LRRC8E: variants seen among roughly 807,000 people sequenced by gnomAD.
The protein encoded by LRRC8E is leucine rich repeat containing 8 VRAC subunit E.
In LRRC8E, 6 loss-of-function variants were observed where a neutral mutation model predicts 6.1. The observed-to-expected ratio is 0.98, with a 90% CI of 0.54 to 1.93. LRRC8E has a LOEUF of 1.93. Ranked by LOEUF, LRRC8E falls within the 30% of genes most tolerant of loss-of-function variation. The pLI is 0.01. For missense variants in LRRC8E, 1,028 were observed against 1,031.4 expected, an observed-to-expected ratio of 1.00 and a Z score of 0.04; for synonymous variants, 485 against 472.8, an observed-to-expected ratio of 1.03 and a Z score of -0.33.
At chr19:7,891,551 G>T (rs1441508506) in intron 1 of LRRC8E, among the ~76,000 whole-genome samples, 8 of 145,410 alleles carry the variant, frequency 5.5e-5, no homozygotes, top group African/African-American at 2.0e-4. Context: ...GTGTGTTTGT[G>T]TGTGTGTGTG....
chr19:7,898,244 G>A (rs918299132), intron 2 of LRRC8E, among the ~76,000 whole-genome samples: 10 of 151,206 alleles, frequency 6.6e-5, no homozygotes, highest in African/African-American at 9.8e-5. Context: ...GTGCTTAGAG[G>A]TTTAGCAAAA....
At position 7,900,703 on chromosome 19, in the gene LRRC8E, G is replaced by A. The variant is rs749304586; in HGVS notation, c.2181G>A (p.Leu727=). 1.2e-6 allele frequency: 2 copies of A among 1,613,410 alleles called. No homozygotes were observed. Among genetic ancestry groups the A allele is most frequent in the Non-Finnish European group, 1.7e-6 (2 of 1,180,010 alleles). Residue 727 remains leucine, a synonymous_variant, in exon 3 of 3, where the codon TTG becomes TTA. Transcript: ENST00000306708. The surrounding 1 kb of genome is among the most constrained non-coding windows in gnomAD (Gnocchi z 5.0). ...TCTTCTGCCGCAAGCTGCGGACGTT[G>A]CTTCTGGGCGACAACCAGCTGAGCC... ...ELFFCRKLRT[L]LLGDNQLSQL...
chr19:7,901,006 C>A lies in LRRC8E; in HGVS notation c.*93C>A. On this transcript the variant is annotated 3_prime_UTR_variant, in exon 3 of 3. Coordinates refer to ENST00000306708, the MANE Select transcript of LRRC8E (RefSeq NM_025061.6). ...TTCCAAGATAGGAAGCCAAGTGGGT[C>A]CAGGCCAGGAGATGGGGGGGGCGGG... 1 of 931,874 alleles carries A rather than the reference C, an allele frequency of 1.1e-6. No homozygotes were observed. The highest frequency in any genetic ancestry group is 1.5e-6 in the Non-Finnish European group (1 of 666,216). The allele number at this position is 931,874 out of a possible 1,614,324, so 57.7% of individuals were successfully genotyped here.
chr19:7,891,527 G>GTGTGTGTT (rs1981309296), intron 1 of LRRC8E, among the ~76,000 whole-genome samples: 1 of 144,222 alleles, frequency 6.9e-6, no homozygotes, highest in East Asian at 2.0e-4. Context: ...CTGCTCGGGT[G>GTGTGTGTT]TGTGTGTGTG....
chr19:7,895,825 A>G lies in LRRC8E; in HGVS notation c.138+84A>G, dbSNP rs1981558782. On this transcript the variant is annotated intron_variant, in intron 2 of 2. Coordinates refer to ENST00000306708, the MANE Select transcript of LRRC8E (RefSeq NM_025061.6). The surrounding 1 kb of genome is among the most constrained non-coding windows in gnomAD (Gnocchi z 4.7). The stretch of plus-strand genomic sequence containing the variant: ...AGTCGGGAAGCCTTCTCATCACCCA[A>G]GAAAGAGAGGAAACTGAAGACAGAG... 6.5e-7 allele frequency: 1 copy of G among 1,542,070 alleles called. No individual in the cohort carries two copies. Among genetic ancestry groups the G allele is most frequent in the South Asian group, 1.2e-5 (1 of 85,432 alleles).
At position 7,899,849 on chromosome 19, in the gene LRRC8E, A is replaced by G. The variant is rs1482248275; in HGVS notation, c.1327A>G (p.Arg443Gly). The change falls in exon 3 of 3, where the codon AGG (arginine) becomes GGG (glycine). Residue 443 changes from arginine to glycine, a missense_variant. By Grantham distance (125) the Arg-to-Gly change is moderately radical. Transcript: ENST00000306708. ...TGAGCTCAGTGAGGTGGAGTCACTC[A>G]GGCTGGAGGCCATCTGCGATATCAC... ...VFELSEVESLRLEAICDITFP... is the reference protein window; with the variant it reads ...VFELSEVESLGLEAICDITFP... The G allele has an allele frequency of 1.2e-6, 2 of 1,606,034 alleles. No individual in the cohort carries two copies. Among genetic ancestry groups the G allele is most frequent in the Middle Eastern group, 1.6e-4 (1 of 6,062 alleles).
In LRRC8E at chr19:7,895,449, G is replaced by C. The variant is rs1359917760; in HGVS notation, c.-5-150G>C. The stretch of plus-strand genomic sequence containing the variant: ...AGGGTGACTAAGGCCAGGCTAAGAG[G>C]GAAGTGGGGGCACACACTTTGGTGG... On this transcript the variant is annotated intron_variant, in intron 1 of 2. Coordinates refer to ENST00000306708, the MANE Select transcript of LRRC8E (RefSeq NM_025061.6). The surrounding 1 kb of genome is among the most constrained non-coding windows in gnomAD (Gnocchi z 4.7). 5 of 900,538 alleles carry C rather than the reference G, an allele frequency of 5.6e-6. No individual in the cohort carries two copies. Among genetic ancestry groups the C allele is most frequent in the Non-Finnish European group, 8.6e-6 (5 of 584,712 alleles). The allele number at this position is 900,538 out of a possible 1,614,324, so 55.8% of individuals were successfully genotyped here. A position where few individuals can be genotyped will look rare whatever the true frequency, so the allele number is the denominator to read the frequency against.
At position 7,900,601 on chromosome 19, in the gene LRRC8E, C is replaced by A; in HGVS notation, c.2079C>A (p.Pro693=). 2.5e-6 allele frequency: 4 copies of A among 1,613,334 alleles called. No homozygotes were observed. The highest frequency in any genetic ancestry group is 1.3e-5 in the African/African-American group (1 of 75,078). Reference sequence around the variant, plus strand: ...ACAATGGGCTACACTCCCTGCCACCCGAGGTGGGCCTCCTGCAGAACCTAC... The same window carrying A: ...ACAATGGGCTACACTCCCTGCCACCAGAGGTGGGCCTCCTGCAGAACCTAC... ...VSHNGLHSLP[P]EVGLLQNLQH... is the part of the protein sequence containing the mutation. The change falls in exon 3 of 3, where the codon CCC becomes CCA. Residue 693 remains proline (P), a synonymous_variant. Transcript: ENST00000306708. The surrounding 1 kb of genome is among the most constrained non-coding windows in gnomAD (Gnocchi z 5.0).
In LRRC8E at chr19:7,899,078, A is replaced by G. The variant is rs1981776385; in HGVS notation, c.556A>G (p.Thr186Ala). ...GPAATERAAA[T>A]IVAMAGTGPG... ...AGCAGCCACCGAACGGGCTGCGGCC[A>G]CCATAGTGGCCATGGCAGGGACCGG... The change falls in exon 3 of 3, where the codon ACC becomes GCC. Residue 186 changes from threonine to alanine, a missense_variant. Physicochemically the swap from Thr to Ala is moderately conservative, Grantham distance 58 (BLOSUM62 0). Coordinates refer to ENST00000306708, the MANE Select transcript of LRRC8E (RefSeq NM_025061.6). The G allele has an allele frequency of 2.5e-6, 4 of 1,612,494 alleles. No individual in the cohort carries two copies. In the African/African-American group the frequency reaches 5.3e-5, roughly 22 times the overall value.
intron 1 of LRRC8E, among the ~76,000 whole-genome samples, chr19:7,890,708 G>A (rs1301868604): frequency 6.6e-6 from 1 of 151,762 alleles, no homozygotes; most frequent in East Asian, 2.0e-4. Flanking sequence ...AGAATGGTGT[G>A]AACCCGGGAG....
In LRRC8E at chr19:7,901,285, G is replaced by A. The variant is rs1039767473; in HGVS notation, c.*372G>A. On this transcript the variant is annotated 3_prime_UTR_variant, in exon 3 of 3. Coordinates refer to ENST00000306708, the MANE Select transcript of LRRC8E (RefSeq NM_025061.6). ...TGGGGGAAACGACACATCCCAGTGG[G>A]ATTTCCAACACTCCCCCTCCCCATG... is the stretch of plus-strand genomic sequence containing the variant. 7.9e-5 allele frequency: 14 copies of A among 176,598 alleles called. No individual in the cohort carries two copies. Among genetic ancestry groups the A allele is most frequent in the Non-Finnish European group, 1.5e-4 (13 of 83,924 alleles). The allele number at this position is 176,598 out of a possible 1,614,324, so 10.9% of individuals were successfully genotyped here.
intron 1 of LRRC8E, among the ~76,000 whole-genome samples, chr19:7,891,859 C>A (rs1336878047): frequency 6.6e-6 from 1 of 152,140 alleles, no homozygotes; most frequent in Non-Finnish European, 1.5e-5. Flanking sequence ...ATCCGCCTAC[C>A]TTGGCCTCCC....
In LRRC8E at chr19:7,900,952, G is replaced by C; in HGVS notation, c.*39G>C. The C allele has an allele frequency of 5.6e-6, 8 of 1,436,608 alleles. No individual in the cohort carries two copies. Among genetic ancestry groups the C allele is most frequent in the Non-Finnish European group, 7.4e-6 (8 of 1,081,898 alleles). The allele number at this position is 1,436,608 out of a possible 1,614,324, so 89.0% of individuals were successfully genotyped here. A position where few individuals can be genotyped will look rare whatever the true frequency, so the allele number is the denominator to read the frequency against. On this transcript the variant is annotated 3_prime_UTR_variant, in exon 3 of 3. Coordinates refer to ENST00000306708, the MANE Select transcript of LRRC8E (RefSeq NM_025061.6). The surrounding 1 kb of genome is among the most constrained non-coding windows in gnomAD (Gnocchi z 5.0). Reference sequence around the variant, plus strand: ...CCGTTTTAGGTAGAGCCTTAAAAATGCTTCTGCCCTGGAATCTCAACCATT... The same window carrying C: ...CCGTTTTAGGTAGAGCCTTAAAAATCCTTCTGCCCTGGAATCTCAACCATT...
chr19:7,891,852 C>T (rs568473454), intron 1 of LRRC8E, among the ~76,000 whole-genome samples: 5 of 152,096 alleles, frequency 3.3e-5, no homozygotes, highest in South Asian at 4.2e-4. Flanking sequence ...TCAAATTATC[C>T]GCCTACCTTG....
chr19:7,901,018 A>AT lies in LRRC8E; in HGVS notation c.*106dup, dbSNP rs1334808842. The AT allele has an allele frequency of 9.8e-5, 27 of 276,116 alleles. No individual in the cohort carries two copies. The highest frequency in any genetic ancestry group is 1.1e-3 in the Middle Eastern group (1 of 916). 17.1% of individuals were successfully genotyped at this position (276,116 alleles called of 1,614,324 possible). A position where few individuals can be genotyped will look rare whatever the true frequency, so the allele number is the denominator to read the frequency against. On this transcript the variant is annotated 3_prime_UTR_variant, in exon 3 of 3. Transcript: ENST00000306708. Reference sequence around the variant, plus strand: ...AAGCCAAGTGGGTCCAGGCCAGGAGATGGGGGGGGCGGGGGCAGCTGTGTC... The same window carrying AT: ...AAGCCAAGTGGGTCCAGGCCAGGAGATTGGGGGGGGCGGGGGCAGCTGTGTC...
intron 1 of LRRC8E, among the ~76,000 whole-genome samples, chr19:7,889,755 T>TC (rs1032089159): frequency 1.4e-3 from 24 of 17,632 alleles, no homozygotes; most frequent in Admixed American, 3.0e-3. Context: ...TCTCTCTCTC[T>TC]TTTTTTTTTT....
intron 1 of LRRC8E, among the ~76,000 whole-genome samples, chr19:7,894,367 G>A (rs1372454040): frequency 1.3e-5 from 2 of 152,108 alleles, no homozygotes; most frequent in Non-Finnish European, 2.9e-5. Flanking sequence ...AGGATTACAG[G>A]TGTGTGTCAC....
intron 1 of LRRC8E, among the ~76,000 whole-genome samples, chr19:7,890,007 A>G (rs1981220745): frequency 6.6e-6 from 1 of 151,642 alleles, no homozygotes; most frequent in South Asian, 2.1e-4. Context: ...AACCTCTCAA[A>G]GTGCTGGGAT....
chr19:7,900,044 G>T lies in LRRC8E; in HGVS notation c.1522G>T (p.Gly508Cys). 1 of 1,611,056 alleles carries T rather than the reference G, an allele frequency of 6.2e-7. No homozygotes were observed. The highest frequency in any genetic ancestry group is 8.5e-7 in the Non-Finnish European group (1 of 1,179,504). The change falls in exon 3 of 3, where the codon GGC becomes TGC. Residue 508 changes from glycine to cysteine, a missense_variant. Transcript: ENST00000306708. The surrounding 1 kb of genome is among the most constrained non-coding windows in gnomAD (Gnocchi z 5.0). ...EVPLWVFGLRGLEELHLEGLF... is the reference protein window; with the variant it reads ...EVPLWVFGLRCLEELHLEGLF... Reference sequence around the variant, plus strand: ...GCCGCTTTGGGTGTTTGGGCTGCGGGGCTTGGAGGAGCTGCACCTGGAGGG... The same window carrying T: ...GCCGCTTTGGGTGTTTGGGCTGCGGTGCTTGGAGGAGCTGCACCTGGAGGG...
Sources: allele counts gnomAD v4.1 joint callset (sites outside exome capture counted in the v4.1 genomes callset), GRCh38; gene constraint gnomAD v4.1.1; non-coding constraint Gnocchi (gnomAD v3.1); transcripts MANE v1.5; gene names NCBI Gene and HGNC (gene_info 2026-07-23, HGNC 2026-07-21).